RBFOX1: variants seen among roughly 807,000 people sequenced by gnomAD.
RBFOX1 encodes the protein RNA binding fox-1 homolog 1.
A neutral mutation model predicts 57.7 loss-of-function variants in RBFOX1; 8 were observed. The observed-to-expected ratio is 0.14, with a 90% confidence interval of 0.08 to 0.25. The LOEUF is 0.25. RBFOX1 is among the 10% of genes least tolerant of loss of function. The pLI is 1.00. For synonymous variants in RBFOX1, 326 were observed against 222.4 expected (o/e 1.47, Z -4.15); for missense variants, 611 against 548.5 (o/e 1.11, Z -1.14).
intron 4 of RBFOX1, among the ~76,000 whole-genome samples, chr16:7,341,343 G>C (rs1290502786): frequency 6.6e-6 from 1 of 152,050 alleles, no homozygotes; most frequent in Non-Finnish European, 1.5e-5. Flanking sequence ...GGAGGCAAAG[G>C]CTCCATGAAA....
intron 3 of RBFOX1, among the ~76,000 whole-genome samples, chr16:6,720,695 AG>A (rs2065817126): frequency 6.6e-6 from 1 of 152,202 alleles, no homozygotes; most frequent in South Asian, 2.1e-4. Flanking sequence ...TAGAGAGACC[AG>A]GGTGGTGGGT....
chr16:5,575,597 G>T (rs1457767895), intron 2 of RBFOX1, among the ~76,000 whole-genome samples: 5 of 152,204 alleles, frequency 3.3e-5, no homozygotes, highest in Admixed American at 3.3e-4. Context: ...GCCAGCCAGG[G>T]TTGGAGCTAC....
intron 4 of RBFOX1, among the ~76,000 whole-genome samples, chr16:5,928,094 A>G (rs561783941): frequency 6.6e-6 from 1 of 152,204 alleles, no homozygotes; most frequent in South Asian, 2.1e-4. Context: ...ATTTTTATTT[A>G]TTTATTTTTT....
At chr16:6,757,724 C>T (rs1019391880) in intron 3 of RBFOX1, among the ~76,000 whole-genome samples, 1 of 152,046 alleles carries the variant, frequency 6.6e-6, no homozygotes, top group Non-Finnish European at 1.5e-5. Flanking sequence ...TTCTAGTGTT[C>T]CACAGCATAG....
At chr16:6,423,620 A>C (rs745593576) in intron 2 of RBFOX1, among the ~76,000 whole-genome samples, 18 of 152,132 alleles carry the variant, frequency 1.2e-4, no homozygotes, top group Non-Finnish European at 2.5e-4. Flanking sequence ...AAAATAAAAA[A>C]AAGGAAGTAT....
intron 3 of RBFOX1, among the ~76,000 whole-genome samples, chr16:5,626,903 C>T (rs2048365111): frequency 6.6e-6 from 1 of 152,006 alleles, no homozygotes; most frequent in Non-Finnish European, 1.5e-5. Context: ...CATTTCTGTT[C>T]TCCCCTTAAC....
rs530451029 is a variant in RBFOX1 at position 5,744,275 on chromosome 16, C to T, written c.319-123028C>T. Among the ~76,000 whole-genome samples the T allele has an allele frequency of 7.0e-4, 107 of 152,176 alleles. 1 individual carries two copies. Among genetic ancestry groups the T allele is most frequent in the Admixed American group, 2.0e-3 (31 of 15,284 alleles). On this transcript the variant is annotated intron_variant, in intron 3 of 19. Transcript: ENST00000641259. ...GCTGCCCTTGAATGAATTGCTCTGT[C>T]TTCTGGGTTCCCGCAGCACCTTGAA... is the stretch of plus-strand genomic sequence containing the variant.
chr16:7,317,494 GACCATC>G (rs1212301471), intron 4 of RBFOX1, among the ~76,000 whole-genome samples: 1 of 152,168 alleles, frequency 6.6e-6, no homozygotes, highest in South Asian at 2.1e-4. Flanking sequence ...TCGCCATTAG[GACCATC>G]ACCATCACGA....
chr16:6,624,029 C>T (rs2098271152), intron 2 of RBFOX1, among the ~76,000 whole-genome samples: 1 of 152,286 alleles, frequency 6.6e-6, no homozygotes, highest in African/African-American at 2.4e-5. Flanking sequence ...CTGACTTCCA[C>T]AATGGTTGAA....
rs906845200 is a variant in RBFOX1 at position 6,085,458 on chromosome 16, A to G, written c.-127+65466A>G. ...CAGCTAATTTTGTATTTTTATAGAG[A>G]GGGGGTTTCACCATGTTGATCTGGC... On this transcript the variant is annotated intron_variant, in intron 1 of 15. Coordinates refer to ENST00000550418, the MANE Select transcript of RBFOX1 (RefSeq NM_018723.4). Among the ~76,000 whole-genome samples, 66 of 152,028 alleles carry G rather than the reference A, an allele frequency of 4.3e-4. 1 individual carries two copies. The highest frequency in any genetic ancestry group is 1.6e-3 in the African/African-American group (65 of 41,374).
intron 4 of RBFOX1, among the ~76,000 whole-genome samples, chr16:7,326,131 T>C (rs1290122895): frequency 6.6e-6 from 1 of 152,178 alleles, no homozygotes; most frequent in Non-Finnish European, 1.5e-5. Context: ...AACAGATCAT[T>C]CTCAAATACT....
Position 6,230,121 on chromosome 16 carries a change from G to T in RBFOX1, c.-126-86874G>T, listed in dbSNP as rs182812565. Reference sequence around the variant, plus strand: ...TTTTTACTCCATCTTCTTCTTAAAAGACTTTATCGCAGAGAGCAAATAGCT... The same window carrying T: ...TTTTTACTCCATCTTCTTCTTAAAATACTTTATCGCAGAGAGCAAATAGCT... On this transcript the variant is annotated intron_variant, in intron 1 of 15. Transcript: ENST00000550418. 2.6e-5 allele frequency among the ~76,000 whole-genome samples: 4 copies of T among 152,166 alleles called. No homozygotes were observed. The East Asian group carries it at 7.7e-4, about 29-fold the overall frequency.
At chr16:6,819,842 G>C (rs2090948132) in intron 3 of RBFOX1, among the ~76,000 whole-genome samples, 1 of 151,546 alleles carries the variant, frequency 6.6e-6, no homozygotes, top group African/African-American at 2.4e-5. Context: ...TTTGAATCCA[G>C]CCCTCTGATT....
At chr16:6,395,635 C>G (rs1019616066) in intron 2 of RBFOX1, among the ~76,000 whole-genome samples, 10 of 151,870 alleles carry the variant, frequency 6.6e-5, no homozygotes, top group Non-Finnish European at 1.0e-4. Context: ...ATTATTGCAT[C>G]TTGGGAAATA....
chr16:6,021,650 C>CA (rs1208510566), intron 1 of RBFOX1, among the ~76,000 whole-genome samples: 3 of 152,166 alleles, frequency 2.0e-5, no homozygotes, highest in Non-Finnish European at 2.9e-5. Flanking sequence ...GAAAAGTCAT[C>CA]ATTCCTCGCG....
chr16:5,795,413 C>A (rs2054844922), intron 3 of RBFOX1, among the ~76,000 whole-genome samples: 1 of 152,048 alleles, frequency 6.6e-6, no homozygotes, highest in South Asian at 2.1e-4. Context: ...AAGTGATCCT[C>A]CTGCCTCAGC....
At chr16:7,128,951 G>A (rs1216331653) in intron 4 of RBFOX1, among the ~76,000 whole-genome samples, 1 of 151,338 alleles carries the variant, frequency 6.6e-6, no homozygotes, top group Admixed American at 6.6e-5. Flanking sequence ...CTCCCAAGTA[G>A]CTGGGACTAC....
intron 2 of RBFOX1, chr16:6,483,841 G>T: frequency 8.2e-7 from 1 of 1,225,798 alleles, no homozygotes; most frequent in South Asian, 2.5e-5. Flanking sequence ...GGACTTGGCC[G>T]TGGATGGAAT....
At chr16:7,552,731 G>A (rs982262108) in intron 5 of RBFOX1, among the ~76,000 whole-genome samples, 14 of 152,060 alleles carry the variant, frequency 9.2e-5, no homozygotes, top group Admixed American at 2.0e-4. Flanking sequence ...TGCTCAGGCC[G>A]AAGTGCAATG....
Sources: gnomAD v4.1 joint callset for allele counts (sites outside exome capture counted in the v4.1 genomes callset) on GRCh38, gnomAD v4.1.1 for gene constraint, MANE v1.5 for transcripts, NCBI Gene and HGNC (gene_info 2026-07-23, HGNC 2026-07-21) for gene names.